CEP63: variants seen among roughly 807,000 people sequenced by gnomAD.
CEP63 encodes centrosomal protein 63.
Under a neutral mutation model 89.1 loss-of-function variants are expected in CEP63, and 84 were observed. That is an observed-to-expected ratio of 0.94 (90% CI 0.79 to 1.13). CEP63 has a LOEUF of 1.13. Ranked by LOEUF, CEP63 falls within the 50% of genes most tolerant of loss-of-function variation. The probability of loss-of-function intolerance (pLI) is 0.00; values close to 1 mark genes in which losing one functional copy is unlikely to be tolerated. For missense variants in CEP63, 838 were observed against 813.3 expected (o/e 1.03, Z -0.37); for synonymous variants, 267 against 272.5 (o/e 0.98, Z 0.20).
chr3:134,754,207 A>C, the CEP63 span, among the ~76,000 whole-genome samples: 2 of 152,174 alleles, frequency 1.3e-5, no homozygotes, highest in Non-Finnish European at 2.9e-5. Context: ...CCAGCAGGCG[A>C]AGTGGTGCCA....
At chr3:134,609,594 C>A in the CEP63 span, among the ~76,000 whole-genome samples, 1 of 152,118 alleles carries the variant, frequency 6.6e-6, no homozygotes, top group South Asian at 2.1e-4. Context: ...TTGTATGTAG[C>A]CTCAGGTTAA....
chr3:134,663,775 T>C, the CEP63 span, among the ~76,000 whole-genome samples: 1 of 152,228 alleles, frequency 6.6e-6, no homozygotes, highest in African/African-American at 2.4e-5. Flanking sequence ...ACCTCAGCTG[T>C]CCTTCCTCTC....
At position 134,555,550 on chromosome 3, in the gene CEP63, G is replaced by A. The variant is rs1955967096; in HGVS notation, c.1468-2592G>A. Among the ~76,000 whole-genome samples, 5 of 151,434 alleles carry A rather than the reference G, an allele frequency of 3.3e-5. No individual in the cohort carries two copies. The South Asian group carries it at 8.4e-4, about 25-fold the overall frequency. On this transcript the variant is annotated intron_variant, in intron 12 of 14. Coordinates refer to ENST00000675561, the MANE Select transcript of CEP63 (RefSeq NM_001353108.3). ...TGCTTCAAAGAGAATAAAATACCTA[G>A]GAATCCAACTTACAAGGGATGTGAA...
chr3:134,592,526 TGAC>T (rs1234248315), downstream of CEP63, among the ~76,000 whole-genome samples: 7 of 75,094 alleles, frequency 9.3e-5, no homozygotes, highest in Non-Finnish European at 1.9e-4. Context: ...ATGGAGGAAC[TGAC>T]TGACTGGCTT....
the CEP63 span, among the ~76,000 whole-genome samples, chr3:134,626,462 AC>A: frequency 6.6e-6 from 1 of 152,146 alleles, no homozygotes; most frequent in Non-Finnish European, 1.5e-5. Context: ...TTAGCGTCAC[AC>A]TGCTCTCTGG....
the CEP63 span, among the ~76,000 whole-genome samples, chr3:134,611,554 C>T: frequency 6.6e-6 from 1 of 152,220 alleles, no homozygotes; most frequent in Admixed American, 6.5e-5. Context: ...AGACATTTTC[C>T]TTGCACTCAT....
At chr3:134,732,871 G>A in the CEP63 span, among the ~76,000 whole-genome samples, 1 of 152,136 alleles carries the variant, frequency 6.6e-6, no homozygotes, top group Admixed American at 6.6e-5. Context: ...GCTTGTCACG[G>A]TTGTATGGAT....
At chr3:134,573,972 G>A (rs1250422392) in intron 11 of CEP63, among the ~76,000 whole-genome samples, 4 of 152,128 alleles carry the variant, frequency 2.6e-5, no homozygotes, top group Non-Finnish European at 4.4e-5. Flanking sequence ...TCTTCTCCTG[G>A]GTCTTCTTGG....
At chr3:134,761,680 T>C in the CEP63 span, among the ~76,000 whole-genome samples, 1 of 152,176 alleles carries the variant, frequency 6.6e-6, no homozygotes, top group Non-Finnish European at 1.5e-5. Context: ...CACCTAGCCC[T>C]GGTACAGTAC....
rs375029950 is a variant in CEP63, at chr3:134,486,194, C to T, written c.-34C>T. ...TAGCGGTGGCGCGCGTGCGCAGCGC[C>T]GGCCCGAGGTAACGGCGGGAAGGCT... On this transcript the variant is annotated 5_prime_UTR_variant, in exon 1 of 15. Transcript: ENST00000675561. 17 of 985,490 alleles carry T rather than the reference C, an allele frequency of 1.7e-5. No homozygotes were observed. Among genetic ancestry groups the T allele is most frequent in the South Asian group, 4.7e-5 (1 of 21,304 alleles). The allele number at this position is 985,490 out of a possible 1,614,324, so 61.0% of individuals were successfully genotyped here. A position where few individuals can be genotyped will look rare whatever the true frequency, so the allele number is the denominator to read the frequency against.
chr3:134,771,941 T>C, the CEP63 span, among the ~76,000 whole-genome samples: 4 of 152,240 alleles, frequency 2.6e-5, no homozygotes, highest in African/African-American at 7.2e-5. Flanking sequence ...AACCAGATTA[T>C]TCTTAAGAGA....
intron 6 of CEP63, among the ~76,000 whole-genome samples, chr3:134,538,164 C>T (rs1951150634): frequency 6.9e-6 from 1 of 144,854 alleles, no homozygotes; most frequent in South Asian, 2.2e-4. Flanking sequence ...AATGAGGGAA[C>T]AGCCTGGGTA....
the CEP63 span, among the ~76,000 whole-genome samples, chr3:134,648,492 G>T: frequency 6.6e-6 from 1 of 152,186 alleles, no homozygotes; most frequent in South Asian, 2.1e-4. Flanking sequence ...GCAGCTATAG[G>T]CTATATCCTC....
the CEP63 span, among the ~76,000 whole-genome samples, chr3:134,681,187 G>A: frequency 1.3e-5 from 2 of 152,120 alleles, no homozygotes; most frequent in Admixed American, 6.5e-5. Context: ...GCTGGGGGTC[G>A]GGGGGTGGTG....
chr3:134,592,814 C>T, the CEP63 span, among the ~76,000 whole-genome samples: 1 of 152,078 alleles, frequency 6.6e-6, no homozygotes, highest in Admixed American at 6.5e-5. Flanking sequence ...TGTTGATTTA[C>T]AGCTCTCTCG....
At chr3:134,565,364 C>T (rs1957709336), downstream of CEP63, among the ~76,000 whole-genome samples, 1 of 152,200 alleles carries the variant, frequency 6.6e-6, no homozygotes, top group Admixed American at 6.5e-5. Context: ...TTCTTACCTT[C>T]TCTCTCTTAC....
the CEP63 span, among the ~76,000 whole-genome samples, chr3:134,655,654 C>A: frequency 6.6e-6 from 1 of 152,162 alleles, no homozygotes; most frequent in Non-Finnish European, 1.5e-5. Context: ...TGCCCCCCTA[C>A]CCTATATGGC....
At chr3:134,572,295 A>G (rs992928588) in intron 11 of CEP63, among the ~76,000 whole-genome samples, 1 of 152,196 alleles carries the variant, frequency 6.6e-6, no homozygotes, top group African/African-American at 2.4e-5. Flanking sequence ...GTGCACGTGC[A>G]GGTTTGTTAC....
chr3:134,590,850 T>C (rs1294748981), downstream of CEP63, among the ~76,000 whole-genome samples: 1 of 152,228 alleles, frequency 6.6e-6, no homozygotes, highest in Non-Finnish European at 1.5e-5. Flanking sequence ...AGTCTCATTT[T>C]ATTTTTTCCT....
Sources: gnomAD v4.1 joint callset for allele counts (sites outside exome capture counted in the v4.1 genomes callset) on GRCh38, gnomAD v4.1.1 for gene constraint, MANE v1.5 for transcripts, NCBI Gene and HGNC (gene_info 2026-07-23, HGNC 2026-07-21) for gene names.